Variants in SERGEF observed in about 807,000 individuals in gnomAD.
SERGEF encodes the protein secretion-regulating guanine nucleotide exchange factor.
SERGEF carries 51 observed loss-of-function variants against 50.0 expected under a neutral mutation model. The ratio of observed to expected loss-of-function variants is 1.02; its 90% CI spans 0.81 to 1.29. The LOEUF (loss-of-function observed/expected upper bound fraction) is 1.29. Among genes scored for constraint, SERGEF ranks in the 50% most tolerant of loss-of-function variants. The pLI, the probability that SERGEF is intolerant of heterozygous loss-of-function variation, is 0.00. For missense variants in SERGEF, 521 were observed against 557.0 expected (o/e 0.94, Z 0.65); for synonymous variants, 205 against 212.4 (o/e 0.97, Z 0.30).
chr11:17,801,179 A>G (rs1443921046), intron 10 of SERGEF, among the ~76,000 whole-genome samples: 12 of 143,472 alleles, frequency 8.4e-5, no homozygotes, highest in Non-Finnish European at 1.7e-4. Context: ...TGGGCGAAAG[A>G]GCGAGACTCC....
rs144152671 is a variant in SERGEF, at chr11:17,836,298, G to A, written c.1048+41910C>T. 2.9e-3 allele frequency among the ~76,000 whole-genome samples: 446 copies of A among 152,254 alleles called. 1 individual carries two copies. Among genetic ancestry groups the A allele is most frequent in the African/African-American group, 9.9e-3 (411 of 41,532 alleles). On this transcript the variant is annotated intron_variant, in intron 10 of 10. Coordinates refer to ENST00000265965, the MANE Select transcript of SERGEF (RefSeq NM_012139.4). ...TGGAGAAAAGGACCAATGTCCATTG[G>A]GCAAGAAGGCCTTGCATTTACTGGA...
chr11:17,935,775 A>G (rs774444714), intron 9 of SERGEF, among the ~76,000 whole-genome samples: 3 of 152,186 alleles, frequency 2.0e-5, no homozygotes, highest in Non-Finnish European at 2.9e-5. Flanking sequence ...AGAAACAACC[A>G]CAACAATGAA....
intron 9 of SERGEF, among the ~76,000 whole-genome samples, chr11:17,944,547 T>C (rs1198789786): frequency 6.6e-6 from 1 of 152,216 alleles, no homozygotes; most frequent in Non-Finnish European, 1.5e-5. Flanking sequence ...TTGACACTTG[T>C]GAAGAATGTG....
At chr11:17,789,789 C>G (rs1258192677) in intron 10 of SERGEF, among the ~76,000 whole-genome samples, 7 of 152,110 alleles carry the variant, frequency 4.6e-5, no homozygotes, top group Non-Finnish European at 7.4e-5. Flanking sequence ...CATTGTAGCA[C>G]AAATATTTCT....
intron 9 of SERGEF, among the ~76,000 whole-genome samples, chr11:17,947,171 T>C (rs180798417): frequency 6.6e-6 from 1 of 152,364 alleles, no homozygotes; most frequent in Admixed American, 6.5e-5. Context: ...TGCTTTCTGA[T>C]AGGCACTGTG....
rs1317367123 is a variant in SERGEF, at chr11:17,884,293, G to C, written c.1012-6049C>G. On this transcript the variant is annotated intron_variant, in intron 9 of 10. Coordinates refer to ENST00000265965, the MANE Select transcript of SERGEF (RefSeq NM_012139.4). This position sits in a 1 kb window ranked among gnomAD's most constrained non-coding sequence, Gnocchi z 4.6. ...ACTGGGTTATGCTCTGTGCCGCACT[G>C]CGAGCCCTTGGCGGGCACAGCCGCC... is the stretch of plus-strand genomic sequence containing the variant. 6.6e-6 allele frequency among the ~76,000 whole-genome samples: 1 copy of C among 152,218 alleles called. No individual in the cohort carries two copies. Among genetic ancestry groups the C allele is most frequent in the African/African-American group, 2.4e-5 (1 of 41,460 alleles).
At chr11:17,843,381 A>G (rs1297379631) in intron 10 of SERGEF, among the ~76,000 whole-genome samples, 3 of 152,238 alleles carry the variant, frequency 2.0e-5, no homozygotes, top group Non-Finnish European at 2.9e-5. Context: ...CTCTGCATCC[A>G]TATTTTCATG....
intron 10 of SERGEF, among the ~76,000 whole-genome samples, chr11:17,830,768 A>G (rs1263696116): frequency 6.6e-6 from 1 of 151,564 alleles, no homozygotes; most frequent in South Asian, 2.1e-4. Flanking sequence ...GGCAGACCTA[A>G]ACACCTCTTA....
intron 9 of SERGEF, among the ~76,000 whole-genome samples, chr11:17,951,020 A>G (rs1251860815): frequency 2.0e-5 from 3 of 152,166 alleles, no homozygotes; most frequent in Non-Finnish European, 2.9e-5. Flanking sequence ...ACAGGAATTC[A>G]TACTCTGATG....
At chr11:17,967,219 T>C (rs1234810253) in intron 8 of SERGEF, among the ~76,000 whole-genome samples, 1 of 152,216 alleles carries the variant, frequency 6.6e-6, no homozygotes, top group Non-Finnish European at 1.5e-5. Context: ...AAAGCTAGGA[T>C]GGGACCCAGG....
chr11:17,943,399 G>A (rs1330744443), intron 9 of SERGEF, among the ~76,000 whole-genome samples: 1 of 151,998 alleles, frequency 6.6e-6, no homozygotes, highest in South Asian at 2.1e-4. Context: ...CTCCTTTAAT[G>A]TCTACATAAT....
intron 9 of SERGEF, among the ~76,000 whole-genome samples, chr11:17,879,758 A>C (rs567323242): frequency 3.1e-4 from 47 of 152,346 alleles, no homozygotes; most frequent in African/African-American, 1.1e-3. Context: ...AACTATGTGA[A>C]GTAATATATG....
At chr11:17,932,804 G>C (rs1268605495) in intron 9 of SERGEF, among the ~76,000 whole-genome samples, 1 of 152,130 alleles carries the variant, frequency 6.6e-6, no homozygotes, top group Admixed American at 6.5e-5. Context: ...AAGCTGGGTG[G>C]CTGGGAGCAG....
At chr11:17,830,685 A>AGAGAGC (rs540825238) in intron 10 of SERGEF, among the ~76,000 whole-genome samples, 2,997 of 118,702 alleles carry the variant, frequency 0.025, 263 homozygotes, top group Non-Finnish European at 0.04. Flanking sequence ...AGAGAGAGAG[A>AGAGAGC]GAGCACATGT....
chr11:17,819,341 T>C (rs1447145526), intron 10 of SERGEF, among the ~76,000 whole-genome samples: 1 of 152,218 alleles, frequency 6.6e-6, no homozygotes, highest in African/African-American at 2.4e-5. Flanking sequence ...AACCTCCAGT[T>C]TGGAAACAAT....
At chr11:17,812,861 C>T (rs972844698) in intron 10 of SERGEF, among the ~76,000 whole-genome samples, 3 of 152,174 alleles carry the variant, frequency 2.0e-5, no homozygotes, top group African/African-American at 7.2e-5. Flanking sequence ...TAGCTGGAGA[C>T]CAACCTCCTT....
At chr11:17,955,562 C>G (rs2133967827) in intron 9 of SERGEF, among the ~76,000 whole-genome samples, 1 of 152,310 alleles carries the variant, frequency 6.6e-6, no homozygotes. Context: ...TCACTGAGGT[C>G]AGTCCTAGGC....
intron 9 of SERGEF, among the ~76,000 whole-genome samples, chr11:17,923,964 A>G (rs1210058056): frequency 6.6e-6 from 1 of 152,194 alleles, no homozygotes; most frequent in Non-Finnish European, 1.5e-5. Context: ...AGGCCTACCA[A>G]TTACTAGCTT....
chr11:17,919,424 G>C (rs1352643355), intron 9 of SERGEF, among the ~76,000 whole-genome samples: 2 of 152,124 alleles, frequency 1.3e-5, no homozygotes, highest in African/African-American at 4.8e-5. Context: ...TAATGGGAAT[G>C]AGGAAAAAGG....
Sources: gnomAD v4.1 joint callset for allele counts (sites outside exome capture counted in the v4.1 genomes callset) on GRCh38, gnomAD v4.1.1 for gene constraint, Gnocchi (gnomAD v3.1) non-coding constraint, MANE v1.5 for transcripts, NCBI Gene and HGNC (gene_info 2026-07-23, HGNC 2026-07-21) for gene names.